The following KIAA0513 variants were observed in gnomAD, a reference collection of about 807,000 sequenced individuals.
KIAA0513 encodes KIAA0513.
KIAA0513 carries 39 observed loss-of-function variants against 56.5 expected under a neutral mutation model. The ratio of observed to expected loss-of-function variants is 0.69; its 90% confidence interval spans 0.53 to 0.90. The LOEUF (loss-of-function observed/expected upper bound fraction) is 0.90. Among genes scored for constraint, KIAA0513 ranks in the 40% least tolerant of loss-of-function variants. The pLI, the probability that KIAA0513 is intolerant of heterozygous loss-of-function variation, is 0.00. For synonymous variants in KIAA0513, 268 were observed against 215.6 expected (o/e 1.24, Z -2.13); for missense variants, 591 against 535.2 (o/e 1.10, Z -1.03).
chr16:85,085,296 C>T (rs1284279151), intron 10 of KIAA0513, among the ~76,000 whole-genome samples: 1 of 152,142 alleles, frequency 6.6e-6, no homozygotes, highest in Non-Finnish European at 1.5e-5. Flanking sequence ...TGTCAGTCAC[C>T]CCCATCATGC....
chr16:85,086,994 C>A, intron 11 of KIAA0513, 78 bp from the exon 12 acceptor site: 1 of 1,384,626 alleles, frequency 7.2e-7, no homozygotes, highest in Non-Finnish European at 1.0e-6. Flanking sequence ...TGGTGGGCGT[C>A]CCAGAGACAA....
At chr16:85,041,324 G>A (rs1260416590) in intron 1 of KIAA0513, among the ~76,000 whole-genome samples, 1 of 152,184 alleles carries the variant, frequency 6.6e-6, no homozygotes, top group Non-Finnish European at 1.5e-5. Context: ...ATGACTGACA[G>A]GCTCAGGCTT....
At chr16:85,041,805 G>A (rs2073107052) in intron 1 of KIAA0513, among the ~76,000 whole-genome samples, 1 of 152,176 alleles carries the variant, frequency 6.6e-6, no homozygotes, top group East Asian at 1.9e-4. Flanking sequence ...GACACGGTGG[G>A]TGGAAAATGG....
Position 85,087,087 on chromosome 16 carries a change from C to T in KIAA0513, c.1107C>T (p.Asn369=), listed in dbSNP as rs1259089707. 4.2e-5 allele frequency: 68 copies of T among 1,614,182 alleles called. No individual in the cohort carries two copies. Among genetic ancestry groups the T allele is most frequent in the Middle Eastern group, 1.6e-4 (1 of 6,062 alleles). Residue 369 remains asparagine, a synonymous_variant, in exon 12 of 13, where the codon AAC becomes AAT. Coordinates refer to ENST00000683363, the MANE Select transcript of KIAA0513 (RefSeq NM_001388359.1). ...TFGQLGTFTH[N]MLAFGLNKKL... is the part of the protein sequence containing the mutation. ...TCTCCTGCAGCACATTCACGCACAA[C>T]ATGCTGGCCTTTGGACTGAACAAGA...
chr16:85,030,279 G>A (rs1010411459), intron 1 of KIAA0513, among the ~76,000 whole-genome samples: 22 of 152,176 alleles, frequency 1.4e-4, no homozygotes, highest in African/African-American at 5.1e-4. Context: ...GCTGTGTGAG[G>A]CAAGAGAGCA....
At chr16:85,063,975 A>G (rs1394727155) in intron 1 of KIAA0513, among the ~76,000 whole-genome samples, 2 of 134,684 alleles carry the variant, frequency 1.5e-5, no homozygotes, top group African/African-American at 5.6e-5. Context: ...TTTCACATGT[A>G]TTTACCATTT....
intron 1 of KIAA0513, among the ~76,000 whole-genome samples, chr16:85,058,125 CT>C (rs2073355125): frequency 6.6e-6 from 1 of 152,228 alleles, no homozygotes; most frequent in Non-Finnish European, 1.5e-5. Flanking sequence ...AACCTCGGCA[CT>C]TCAGGCCCTC....
chr16:85,080,458 C>T lies in KIAA0513; in HGVS notation c.903-857C>T, dbSNP rs144345659. Among the ~76,000 whole-genome samples the T allele has an allele frequency of 1.4e-3, 219 of 152,332 alleles. 1 individual carries two copies. Among genetic ancestry groups the T allele is most frequent in the African/African-American group, 4.6e-3 (190 of 41,576 alleles). ...ACAGAAACAAGCCACTGGCCCGCTT[C>T]AGCCTACACACCATCGTTTGCCAAC... On this transcript the variant is annotated intron_variant, in intron 8 of 12. Coordinates refer to ENST00000683363, the MANE Select transcript of KIAA0513 (RefSeq NM_001388359.1).
intron 12 of KIAA0513, 142 bp from the exon 13 acceptor site, chr16:85,088,134 C>A: frequency 1.4e-6 from 1 of 732,568 alleles, no homozygotes; most frequent in Non-Finnish European, 2.4e-6. Flanking sequence ...AGCCGTGTGG[C>A]CTGCAGAAGG....
chr16:85,085,308 C>G (rs778684221), intron 10 of KIAA0513, among the ~76,000 whole-genome samples: 5 of 152,206 alleles, frequency 3.3e-5, no homozygotes, highest in Non-Finnish European at 7.3e-5. Context: ...CCATCATGCC[C>G]CTGATGTCCT....
chr16:85,081,171 T>C lies in KIAA0513; in HGVS notation c.903-144T>C. 1.4e-6 allele frequency: 1 copy of C among 722,932 alleles called. No homozygotes were observed. The highest frequency in any genetic ancestry group is 2.6e-5 in the East Asian group (1 of 37,844). The allele number at this position is 722,932 out of a possible 1,614,324, so 44.8% of individuals were successfully genotyped here. Reference sequence around the variant, plus strand: ...TAGATCAAGCCATATGCTCAGTTTTTCCTTCTCAGCCCTACCTCTCTGAGA... The same window carrying C: ...TAGATCAAGCCATATGCTCAGTTTTCCCTTCTCAGCCCTACCTCTCTGAGA... On this transcript the variant is annotated intron_variant, in intron 8 of 12. Coordinates refer to ENST00000683363, the MANE Select transcript of KIAA0513 (RefSeq NM_001388359.1). This position sits in a 1 kb window ranked among gnomAD's most constrained non-coding sequence, Gnocchi z 4.4.
In KIAA0513 at chr16:85,067,334, A is replaced by G; in HGVS notation, c.263A>G (p.Gln88Arg). ...TCCAACCAGAGCACCGAGTCTACCC[A>G]GGATGAAGAGACCCTGGCACTCAGG... is the stretch of plus-strand genomic sequence containing the variant. The part of the protein sequence containing the change: ...FSSNQSTEST[Q>R]DEETLALRDF... The change falls in exon 2 of 13, where the codon CAG (glutamine) becomes CGG (arginine). Residue 88 changes from glutamine (Q) to arginine (R), a missense_variant. Transcript: ENST00000683363. 1.2e-6 allele frequency: 2 copies of G among 1,611,650 alleles called. No homozygotes were observed. Among genetic ancestry groups the G allele is most frequent in the Non-Finnish European group, 1.7e-6 (2 of 1,180,022 alleles).
chr16:85,040,693 C>T (rs1038471967), intron 1 of KIAA0513, among the ~76,000 whole-genome samples: 4 of 152,186 alleles, frequency 2.6e-5, no homozygotes, highest in South Asian at 2.1e-4. Context: ...TAAACCCTCC[C>T]CAAGCTATCA....
intron 1 of KIAA0513, among the ~76,000 whole-genome samples, chr16:85,054,793 A>G (rs960338797): frequency 4.0e-5 from 6 of 151,872 alleles, no homozygotes; most frequent in East Asian, 1.9e-4. Flanking sequence ...AGAATGTGCC[A>G]TCCATTTACC....
At position 85,067,254 on chromosome 16, in the gene KIAA0513, C is replaced by G. The variant is rs1952315569; in HGVS notation, c.183C>G (p.Pro61=). ...GTGAGAATGACATGGGCGAGTCGCC[C>G]TCGCACCCGTCCTGGGACCAAGACC... ...ADSENDMGES[P]SHPSWDQDRR... The change falls in exon 2 of 13, where the codon CCC becomes CCG. Residue 61 remains proline (P), a synonymous_variant. Coordinates refer to ENST00000683363, the MANE Select transcript of KIAA0513 (RefSeq NM_001388359.1). 3.1e-6 allele frequency: 5 copies of G among 1,614,102 alleles called. No homozygotes were observed. The highest frequency in any genetic ancestry group is 2.5e-6 in the Non-Finnish European group (3 of 1,180,010).
In KIAA0513 at chr16:85,071,859, T is replaced by C. The variant is rs1471796239; in HGVS notation, c.406T>C (p.Phe136Leu). The C allele has an allele frequency of 6.2e-7, 1 of 1,609,662 alleles. No homozygotes were observed. Among genetic ancestry groups the C allele is most frequent in the Admixed American group, 1.7e-5 (1 of 59,412 alleles). ...SSENGKGREWFARYVSAQRCN... is the reference protein window; with the variant it reads ...SSENGKGREWLARYVSAQRCN... Reference sequence around the variant, plus strand: ...TGAAAATGGAAAAGGCCGGGAGTGGTTTGCTCGATACGTGAGTGCCCAGGT... The same window carrying C: ...TGAAAATGGAAAAGGCCGGGAGTGGCTTGCTCGATACGTGAGTGCCCAGGT... Residue 136 changes from phenylalanine (F) to leucine (L), a missense_variant, in exon 3 of 13, where the codon TTT (phenylalanine) becomes CTT (leucine). By Grantham distance (22) the Phe-to-Leu change is conservative (BLOSUM62 0). Transcript: ENST00000683363.
At chr16:85,083,965 C>T (rs1050381879) in intron 10 of KIAA0513, among the ~76,000 whole-genome samples, 14 of 152,162 alleles carry the variant, frequency 9.2e-5, no homozygotes, top group Admixed American at 5.9e-4. Context: ...CTGTTGGTCC[C>T]GTCCAGATTC....
intron 3 of KIAA0513, 110 bp from the exon 4 acceptor site, chr16:85,072,815 C>A: frequency 9.3e-7 from 1 of 1,070,692 alleles, no homozygotes; most frequent in Non-Finnish European, 1.4e-6. Context: ...CATCCTGGGC[C>A]CCCATCCCAG....
intron 1 of KIAA0513, among the ~76,000 whole-genome samples, chr16:85,049,321 G>T (rs1376729477): frequency 6.6e-6 from 1 of 152,190 alleles, no homozygotes; most frequent in South Asian, 2.1e-4. Flanking sequence ...GTTAGCTTTG[G>T]CCCTTCATGG....
Sources: allele counts gnomAD v4.1 joint callset (sites outside exome capture counted in the v4.1 genomes callset), GRCh38; gene constraint gnomAD v4.1.1; non-coding constraint Gnocchi (gnomAD v3.1); transcripts MANE v1.5; gene names NCBI Gene and HGNC (gene_info 2026-07-23, HGNC 2026-07-21).